Variants in SH2B3 observed in about 807,000 individuals in gnomAD.
The protein encoded by SH2B3 is SH2B adaptor protein 3, also known as SH2B adapter protein 3.
SH2B3 carries 43 observed loss-of-function variants against 51.9 expected under a neutral mutation model. The observed-to-expected ratio is 0.83, with a 90% CI of 0.65 to 1.07. The LOEUF (loss-of-function observed/expected upper bound fraction) is 1.07, where lower values mean the gene tolerates loss of function less well. Among genes scored for constraint, SH2B3 ranks in the 50% least tolerant of loss-of-function variants. The pLI, the probability that SH2B3 is intolerant of heterozygous loss-of-function variation, is 0.00. For missense variants in SH2B3, 952 were observed against 834.3 expected (o/e 1.14, Z -1.74); for synonymous variants, 396 against 376.0 (o/e 1.05, Z -0.62).
At position 111,435,166 on chromosome 12, in the gene SH2B3, A is replaced by C; in HGVS notation, c.733-11587A>C. The C allele has an allele frequency of 2.9e-6, 2 of 701,168 alleles. No individual in the cohort carries two copies. Among genetic ancestry groups the C allele is most frequent in the African/African-American group, 1.8e-5 (1 of 55,580 alleles). 43.4% of individuals were successfully genotyped at this position (701,168 alleles called of 1,614,324 possible). Reference sequence around the variant, plus strand: ...CTTAACCACATCTTTTTCCACCCACACCCGGTGCAGAGCAGATGCTTGGCC... The same window carrying C: ...CTTAACCACATCTTTTTCCACCCACCCCCGGTGCAGAGCAGATGCTTGGCC... On this transcript the variant is annotated intron_variant, in intron 2 of 7. Transcript: ENST00000341259. The surrounding 1 kb of genome is among the most constrained non-coding windows in gnomAD (Gnocchi z 4.8).
Position 111,447,714 on chromosome 12 carries a change from C to T in SH2B3, c.1295C>T (p.Pro432Leu). The T allele has an allele frequency of 1.2e-6, 2 of 1,614,008 alleles. No homozygotes were observed. Among genetic ancestry groups the T allele is most frequent in the East Asian group, 2.2e-5 (1 of 44,872 alleles). The change falls in exon 7 of 8, where the codon CCC becomes CTC. Residue 432 changes from proline to leucine, a missense_variant. By Grantham distance (98) the Pro-to-Leu change is moderately conservative (BLOSUM62 -3). Coordinates refer to ENST00000341259, the MANE Select transcript of SH2B3 (RefSeq NM_005475.3). ...GQCRVQHLHF[P>L]SVVDMLHHFQ... ...TGCCGTGTGCAGCACCTCCACTTTC[C>T]CTCGGTCGTGGACATGCTCCACCAC...
chr12:111,447,621 G>T (rs1874141222), intron 6 of SH2B3, 35 bp from the exon 7 acceptor site: 1 of 1,609,822 alleles, frequency 6.2e-7, no homozygotes, highest in African/African-American at 1.3e-5. Flanking sequence ...GGTCCTAGAG[G>T]GACAGCCCGA....
At chr12:111,427,088 A>G (rs1321690408) in intron 2 of SH2B3, among the ~76,000 whole-genome samples, 1 of 152,106 alleles carries the variant, frequency 6.6e-6, no homozygotes, top group Non-Finnish European at 1.5e-5. Flanking sequence ...GGTTTCTCTT[A>G]TGGAATCCGG....
chr12:111,447,202 C>A lies in SH2B3; in HGVS notation c.1004C>A (p.Thr335Lys). The A allele has an allele frequency of 6.2e-7, 1 of 1,613,316 alleles. No individual in the cohort carries two copies. The highest frequency in any genetic ancestry group is 8.5e-7 in the Non-Finnish European group (1 of 1,179,244). Residue 335 changes from threonine to lysine, a missense_variant, in exon 5 of 8, where the codon ACA becomes AAA. By Grantham distance (78) the Thr-to-Lys change is moderately conservative. Coordinates refer to ENST00000341259, the MANE Select transcript of SH2B3 (RefSeq NM_005475.3). ...ACGTCCAGCTCCCCAAGGGGCAGCA[C>A]AGATTCCCTTAACCAAGGTGGGTAA... ...PSTSSSPRGS[T>K]DSLNQGASPG...
chr12:111,446,753 A>G lies in SH2B3; in HGVS notation c.733A>G (p.Ser245Gly). The G allele has an allele frequency of 6.5e-7, 1 of 1,528,236 alleles. No homozygotes were observed. The highest frequency in any genetic ancestry group is 8.8e-7 in the Non-Finnish European group (1 of 1,135,670). 94.7% of individuals were successfully genotyped at this position (1,528,236 alleles called of 1,614,324 possible). A position where few individuals can be genotyped will look rare whatever the true frequency, so the allele number is the denominator to read the frequency against. ...RVLELFDPPK[S>G]SRPKLQAACS... ...TGAGTACCCCAACTTGGTCTCGTAG[A>G]GTTCAAGGCCCAAGCTACAAGCAGC... The change falls in exon 3 of 8, where the codon AGT (serine) becomes GGT (glycine). Residue 245 changes from serine (S) to glycine (G), a missense_variant and splice_region_variant. Transcript: ENST00000341259.
intron 2 of SH2B3, among the ~76,000 whole-genome samples, chr12:111,422,888 G>T (rs1760400318): frequency 1.3e-5 from 2 of 152,124 alleles, no homozygotes; most frequent in South Asian, 4.1e-4. Context: ...GTAGAGATGG[G>T]GTTTCACCAT....
chr12:111,443,919 G>A (rs761477933), intron 2 of SH2B3: 3 of 152,264 alleles, frequency 2.0e-5, no homozygotes, highest in African/African-American at 4.8e-5. Context: ...GGCCCGGCGT[G>A]GTGGCTCATG....
Position 111,448,138 on chromosome 12 carries a change from C to G in SH2B3, c.1564C>G (p.Pro522Ala), listed in dbSNP as rs759755500. Residue 522 changes from proline to alanine, a missense_variant, in exon 8 of 8, where the codon CCC becomes GCC. Pro to Ala is a conservative substitution (Grantham distance 27). Transcript: ENST00000341259. The part of the protein sequence containing the change: ...PEGLPGRSSP[P>A]EQIFHLVPSP... ...GGGTCTCCCAGGGCGATCCTCACCC[C>G]CCGAGCAGATCTTCCACCTGGTGCC... is the stretch of plus-strand genomic sequence containing the variant. 6 of 1,614,178 alleles carry G rather than the reference C, an allele frequency of 3.7e-6. No individual in the cohort carries two copies. The highest frequency in any genetic ancestry group is 1.7e-5 in the Admixed American group (1 of 60,026).
intron 2 of SH2B3, among the ~76,000 whole-genome samples, chr12:111,440,062 C>T (rs1196507098): frequency 6.6e-6 from 1 of 152,234 alleles, no homozygotes; most frequent in Non-Finnish European, 1.5e-5. Flanking sequence ...GCTCTCTTGA[C>T]CTCCCTCAGA....
At chr12:111,437,956 C>A (rs2135587085) in intron 2 of SH2B3, among the ~76,000 whole-genome samples, 1 of 152,252 alleles carries the variant, frequency 6.6e-6, no homozygotes, top group Admixed American at 6.5e-5. Flanking sequence ...ACCCCAACCC[C>A]AAGAGGAACT....
intron 2 of SH2B3, among the ~76,000 whole-genome samples, chr12:111,446,078 C>G (rs904689673): frequency 2.0e-5 from 3 of 152,236 alleles, no homozygotes; most frequent in African/African-American, 7.2e-5. Flanking sequence ...TCTCTTTCTC[C>G]CCTTTTCTTC....
At chr12:111,422,408 C>T (rs771575002) in intron 2 of SH2B3, among the ~76,000 whole-genome samples, 1 of 152,100 alleles carries the variant, frequency 6.6e-6, no homozygotes, top group African/African-American at 2.4e-5. Context: ...GATTGGTCAT[C>T]GGAATTTGGT....
chr12:111,435,707 C>G lies in SH2B3; in HGVS notation c.733-11046C>G, dbSNP rs917006718. 2.6e-5 allele frequency among the ~76,000 whole-genome samples: 4 copies of G among 152,208 alleles called. No individual in the cohort carries two copies. The highest frequency in any genetic ancestry group is 9.7e-5 in the African/African-American group (4 of 41,448). On this transcript the variant is annotated intron_variant, in intron 2 of 7. Transcript: ENST00000341259. This position sits in a 1 kb window ranked among gnomAD's most constrained non-coding sequence, Gnocchi z 4.8. The stretch of plus-strand genomic sequence containing the variant: ...CTGCCAAGGGAGCTGCTTGCTCTCC[C>G]TTCTGTCTGGAGGCCAGCACAGCCT...
chr12:111,432,725 T>A (rs1872588379), intron 2 of SH2B3, among the ~76,000 whole-genome samples: 1 of 152,234 alleles, frequency 6.6e-6, no homozygotes, highest in Non-Finnish European at 1.5e-5. Context: ...TCCAGGGATT[T>A]ACCTATTCTG....
Position 111,407,600 on chromosome 12 carries a change from G to C in SH2B3, c.-28+1323G>C, listed in dbSNP as rs1870350980. 1.3e-5 allele frequency among the ~76,000 whole-genome samples: 2 copies of C among 152,244 alleles called. No homozygotes were observed. Among genetic ancestry groups the C allele is most frequent in the South Asian group, 4.1e-4 (2 of 4,834 alleles). ...TGGGCAGGCTGGGCTCGGAGGATGAGAGCCAGGGCCTACTGGGGGAAGTTG... is the reference window on the plus strand; with the variant it reads ...TGGGCAGGCTGGGCTCGGAGGATGACAGCCAGGGCCTACTGGGGGAAGTTG... On this transcript the variant is annotated intron_variant, in intron 1 of 7. Transcript: ENST00000341259. The surrounding 1 kb of genome is among the most constrained non-coding windows in gnomAD (Gnocchi z 4.3).
chr12:111,448,481 G>C lies in SH2B3; in HGVS notation c.*179G>C, dbSNP rs958336209. The C allele has an allele frequency of 1.7e-6, 1 of 597,080 alleles. No homozygotes were observed. The highest frequency in any genetic ancestry group is 2.8e-5 in the East Asian group (1 of 35,738). 37.0% of individuals were successfully genotyped at this position (597,080 alleles called of 1,614,324 possible). ...GGCCTGTTGAAGGGCCCTCCTGTAGGTTTCATCTATCCACCTGGCTTTCTC... is the reference window on the plus strand; with the variant it reads ...GGCCTGTTGAAGGGCCCTCCTGTAGCTTTCATCTATCCACCTGGCTTTCTC... On this transcript the variant is annotated 3_prime_UTR_variant, in exon 8 of 8. Transcript: ENST00000341259.
intron 2 of SH2B3, among the ~76,000 whole-genome samples, chr12:111,436,391 G>T (rs577910912): frequency 2.0e-5 from 3 of 152,202 alleles, no homozygotes; most frequent in African/African-American, 4.8e-5. Flanking sequence ...GGTAGGGAGT[G>T]TAGGGCTTTC....
intron 2 of SH2B3, 25 bp from the exon 3 acceptor site, chr12:111,446,728 T>G: frequency 2.9e-6 from 4 of 1,400,248 alleles, no homozygotes; most frequent in Non-Finnish European, 3.9e-6. Flanking sequence ...GAACAAGCCT[T>G]GAGTACCCCA....
chr12:111,439,520 G>C (rs1348403054), intron 2 of SH2B3, among the ~76,000 whole-genome samples: 3 of 152,088 alleles, frequency 2.0e-5, no homozygotes. Flanking sequence ...TCCTGACCTT[G>C]TGATCTGCCC....
Sources: allele counts gnomAD v4.1 joint callset (sites outside exome capture counted in the v4.1 genomes callset), GRCh38; gene constraint gnomAD v4.1.1; non-coding constraint Gnocchi (gnomAD v3.1); transcripts MANE v1.5; gene names NCBI Gene and HGNC (gene_info 2026-07-23, HGNC 2026-07-21).